Variants in KCNK3 observed in about 807,000 individuals in gnomAD.
KCNK3 encodes the protein potassium two pore domain channel subfamily K member 3.
KCNK3 carries 9 observed loss-of-function variants against 27.3 expected under a neutral mutation model. That is an observed-to-expected ratio of 0.33 (90% CI 0.20 to 0.57). The LOEUF is 0.57. Ranked by LOEUF, KCNK3 falls within the 20% of genes least tolerant of loss-of-function variation. The pLI, the probability that KCNK3 is intolerant of heterozygous loss-of-function variation, is 0.87. For synonymous variants in KCNK3, 278 were observed against 273.8 expected, an observed-to-expected ratio of 1.02 and a Z score of -0.15; for missense variants, 391 against 577.7, an observed-to-expected ratio of 0.68 and a Z score of 3.31.
chr2:26,725,198 A>C (rs745984413), intron 1 of KCNK3, among the ~76,000 whole-genome samples: 1 of 152,084 alleles, frequency 6.6e-6, no homozygotes, highest in Non-Finnish European at 1.5e-5. Context: ...CCCTGCCCCC[A>C]GGCCCATGCT....
chr2:26,711,803 A>G (rs1167071230), intron 1 of KCNK3, among the ~76,000 whole-genome samples: 3 of 152,224 alleles, frequency 2.0e-5, no homozygotes, highest in Admixed American at 6.5e-5. Context: ...TGACAGAGGC[A>G]TTTAATCATT....
intron 1 of KCNK3, among the ~76,000 whole-genome samples, chr2:26,705,839 T>C (rs113866402): frequency 3.5e-4 from 53 of 150,714 alleles, no homozygotes; most frequent in African/African-American, 1.2e-3. Flanking sequence ...GAGGGTGACT[T>C]GGGCAACTCA....
intron 1 of KCNK3, among the ~76,000 whole-genome samples, chr2:26,701,216 C>G (rs1287164277): frequency 6.6e-6 from 1 of 152,198 alleles, no homozygotes; most frequent in Non-Finnish European, 1.5e-5. Context: ...CTGGAAAAGA[C>G]CTTGGGAATC....
At chr2:26,722,131 A>G (rs1050533417) in intron 1 of KCNK3, among the ~76,000 whole-genome samples, 4 of 152,216 alleles carry the variant, frequency 2.6e-5, no homozygotes, top group African/African-American at 9.7e-5. Flanking sequence ...GCCTTGATCG[A>G]CCTTGCACAT....
chr2:26,696,088 T>C (rs531425221), intron 1 of KCNK3, among the ~76,000 whole-genome samples: 1 of 152,348 alleles, frequency 6.6e-6, no homozygotes, highest in East Asian at 1.9e-4. Context: ...ACCTGACCCC[T>C]TTGAAAACAT....
rs753384871 is a variant in KCNK3, at chr2:26,693,047, G to A, written c.172G>A (p.Gly58Ser). ...LRARYNLSQGGYEELERVVLR... is the reference protein window; with the variant it reads ...LRARYNLSQGSYEELERVVLR... ...GGCGCGCTACAACCTCAGCCAGGGCGGCTACGAGGAGCTGGAGCGCGTCGT... is the reference window on the plus strand; with the variant it reads ...GGCGCGCTACAACCTCAGCCAGGGCAGCTACGAGGAGCTGGAGCGCGTCGT... The change falls in exon 1 of 2, where the codon GGC becomes AGC. Residue 58 changes from glycine (G) to serine (S), a missense_variant. Coordinates refer to ENST00000302909, the MANE Select transcript of KCNK3 (RefSeq NM_002246.3). This position sits in a 1 kb window ranked among gnomAD's most constrained non-coding sequence, Gnocchi z 5.5. 2.7e-5 allele frequency: 44 copies of A among 1,600,668 alleles called. No homozygotes were observed. The highest frequency in any genetic ancestry group is 3.5e-5 in the Non-Finnish European group (41 of 1,177,322).
At chr2:26,697,239 C>T (rs368208749) in intron 1 of KCNK3, among the ~76,000 whole-genome samples, 3 of 152,148 alleles carry the variant, frequency 2.0e-5, no homozygotes, top group East Asian at 1.9e-4. Flanking sequence ...TGGCTGACAC[C>T]GGTAATCCCA....
At chr2:26,703,644 T>C (rs1039735462) in intron 1 of KCNK3, among the ~76,000 whole-genome samples, 2 of 152,202 alleles carry the variant, frequency 1.3e-5, no homozygotes, top group African/African-American at 4.8e-5. Flanking sequence ...AAATCTCCTG[T>C]GTGCCAGGCA....
intron 1 of KCNK3, among the ~76,000 whole-genome samples, chr2:26,694,096 C>T (rs1345029773): frequency 6.6e-6 from 1 of 152,108 alleles, no homozygotes; most frequent in Non-Finnish European, 1.5e-5. Context: ...CTTACCTGTC[C>T]CCAACACCCT....
chr2:26,706,073 TGGA>T (rs1167968976), intron 1 of KCNK3, among the ~76,000 whole-genome samples: 18 of 152,130 alleles, frequency 1.2e-4, no homozygotes, highest in Admixed American at 3.9e-4. Context: ...TCTGGGATGA[TGGA>T]GAAGAGAGCT....
rs1399403236 is a variant in KCNK3 at position 26,721,962 on chromosome 2, A to C, written c.284-5705A>C. Among the ~76,000 whole-genome samples, 1 of 152,216 alleles carries C rather than the reference A, an allele frequency of 6.6e-6. No individual in the cohort carries two copies. Among genetic ancestry groups the C allele is most frequent in the African/African-American group, 2.4e-5 (1 of 41,458 alleles). ...GCCACCCAGAGAAGGAGATCAAAGA[A>C]TCATATCGTCAGAGACCTGGGGGAA... On this transcript the variant is annotated intron_variant, in intron 1 of 1. Coordinates refer to ENST00000302909, the MANE Select transcript of KCNK3 (RefSeq NM_002246.3). This position sits in a 1 kb window ranked among gnomAD's most constrained non-coding sequence, Gnocchi z 4.3.
chr2:26,698,662 A>T lies in KCNK3; in HGVS notation c.283+5504A>T, dbSNP rs137877572. Among the ~76,000 whole-genome samples the T allele has an allele frequency of 4.5e-3, 678 of 152,300 alleles. 7 individuals are homozygous for T. Among genetic ancestry groups the T allele is most frequent in the African/African-American group, 0.016 (649 of 41,564 alleles). On this transcript the variant is annotated intron_variant, in intron 1 of 1. Coordinates refer to ENST00000302909, the MANE Select transcript of KCNK3 (RefSeq NM_002246.3). Reference sequence around the variant, plus strand: ...CTGCTGCTTCCTAACAGGTGGGAACAGTGAGGTTGAGGGCCAGGAGATTGC... The same window carrying T: ...CTGCTGCTTCCTAACAGGTGGGAACTGTGAGGTTGAGGGCCAGGAGATTGC...
chr2:26,696,155 C>G (rs1220593964), intron 1 of KCNK3, among the ~76,000 whole-genome samples: 1 of 152,228 alleles, frequency 6.6e-6, no homozygotes, highest in East Asian at 1.9e-4. Context: ...AATGACAGCA[C>G]TTCCCATCAT....
At chr2:26,697,568 G>T (rs541666877) in intron 1 of KCNK3, among the ~76,000 whole-genome samples, 1 of 152,204 alleles carries the variant, frequency 6.6e-6, no homozygotes, top group African/African-American at 2.4e-5. Flanking sequence ...CTCCAGTCAG[G>T]CCTGCTGCTT....
chr2:26,692,968 G>C lies in KCNK3; in HGVS notation c.93G>C (p.Ser31=), dbSNP rs770047414. ...CCGCGGTCTTCGACGCGCTGGAGTC[G>C]GAGCCCGAGCTGATCGAGCGGCAGC... is the stretch of plus-strand genomic sequence containing the variant. ...VGAAVFDALE[S]EPELIERQRL... Residue 31 remains serine, a synonymous_variant, in exon 1 of 2, where the codon TCG becomes TCC. Coordinates refer to ENST00000302909, the MANE Select transcript of KCNK3 (RefSeq NM_002246.3). The surrounding 1 kb of genome is among the most constrained non-coding windows in gnomAD (Gnocchi z 5.6). 1.3e-6 allele frequency: 2 copies of C among 1,565,974 alleles called. No homozygotes were observed. Among genetic ancestry groups the C allele is most frequent in the South Asian group, 2.3e-5 (2 of 86,270 alleles).
rs1276811031 is a variant in KCNK3 at position 26,693,453 on chromosome 2, G to A, written c.283+295G>A. Among the ~76,000 whole-genome samples the A allele has an allele frequency of 6.6e-6, 1 of 152,250 alleles. No homozygotes were observed. Among genetic ancestry groups the A allele is most frequent in the Non-Finnish European group, 1.5e-5 (1 of 68,032 alleles). ...CGAAGTGTGTGAGAGGGGCAGGGACGACCGGCGGAGGCTCGGGCAGGAGGG... is the reference window on the plus strand; with the variant it reads ...CGAAGTGTGTGAGAGGGGCAGGGACAACCGGCGGAGGCTCGGGCAGGAGGG... On this transcript the variant is annotated intron_variant, in intron 1 of 1. Transcript: ENST00000302909. The surrounding 1 kb of genome is among the most constrained non-coding windows in gnomAD (Gnocchi z 5.5).
chr2:26,706,310 C>G (rs1670372523), intron 1 of KCNK3, among the ~76,000 whole-genome samples: 1 of 152,122 alleles, frequency 6.6e-6, no homozygotes, highest in Non-Finnish European at 1.5e-5. Context: ...AGAGGAGGAG[C>G]TGGAGAGGGC....
chr2:26,729,389 G>A lies in KCNK3; in HGVS notation c.*821G>A, dbSNP rs952637485. The A allele has an allele frequency of 6.6e-6, 1 of 152,216 alleles. No homozygotes were observed. The highest frequency in any genetic ancestry group is 1.5e-5 in the Non-Finnish European group (1 of 68,052). The allele number at this position is 152,216 out of a possible 1,614,324, so 9.4% of individuals were successfully genotyped here. A position where few individuals can be genotyped will look rare whatever the true frequency, so the allele number is the denominator to read the frequency against. ...AATTACCCACTCTTAAATTTGTCGAGTGATTTTTAGCCTCTGAAAACTCTA... is the reference window on the plus strand; with the variant it reads ...AATTACCCACTCTTAAATTTGTCGAATGATTTTTAGCCTCTGAAAACTCTA... On this transcript the variant is annotated 3_prime_UTR_variant, in exon 2 of 2. Coordinates refer to ENST00000302909, the MANE Select transcript of KCNK3 (RefSeq NM_002246.3).
intron 1 of KCNK3, among the ~76,000 whole-genome samples, chr2:26,705,276 TC>T (rs1670358850): frequency 6.6e-6 from 1 of 152,120 alleles, no homozygotes; most frequent in Admixed American, 6.5e-5. Context: ...AGTATTATTA[TC>T]CCCATTTTAC....
Sources: gnomAD v4.1 joint callset for allele counts (sites outside exome capture counted in the v4.1 genomes callset) on GRCh38, gnomAD v4.1.1 for gene constraint, Gnocchi (gnomAD v3.1) non-coding constraint, MANE v1.5 for transcripts, NCBI Gene and HGNC (gene_info 2026-07-23, HGNC 2026-07-21) for gene names.